The following HEG1 variants were observed in gnomAD, a reference collection of about 807,000 sequenced individuals.
HEG1 encodes the protein protein HEG homolog 1.
Under a neutral mutation model 125.6 loss-of-function variants are expected in HEG1, and 56 were observed. The ratio of observed to expected loss-of-function variants is 0.45; its 90% CI spans 0.36 to 0.56. The LOEUF (loss-of-function observed/expected upper bound fraction) is 0.56, where lower values mean the gene tolerates loss of function less well. HEG1 is among the 20% of genes least tolerant of loss of function. The pLI is 0.00. For synonymous variants in HEG1, 644 were observed against 668.5 expected, an observed-to-expected ratio of 0.96 and a Z score of 0.57; for missense variants, 1,523 against 1,670.0, an observed-to-expected ratio of 0.91 and a Z score of 1.53.
At chr3:125,002,100 C>T (rs991304305) in intron 10 of HEG1, 88 bp from the exon 11 acceptor site, 2 of 1,537,232 alleles carry the variant, frequency 1.3e-6, no homozygotes, top group African/African-American at 2.7e-5. Flanking sequence ...CGCCATTCAC[C>T]AGTGACGGGA....
rs1444946342 is a variant in HEG1 at position 125,055,575 on chromosome 3, C to G, written c.316G>C (p.Asp106His). 1 of 1,205,008 alleles carries G rather than the reference C, an allele frequency of 8.3e-7. No homozygotes were observed. The highest frequency in any genetic ancestry group is 1.0e-6 in the Non-Finnish European group (1 of 970,284). The allele number at this position is 1,205,008 out of a possible 1,614,324, so 74.6% of individuals were successfully genotyped here. A position where few individuals can be genotyped will look rare whatever the true frequency, so the allele number is the denominator to read the frequency against. The change falls in exon 1 of 17, where the codon GAT (aspartate) becomes CAT (histidine). Residue 106 changes from aspartate (D) to histidine (H), a missense_variant and splice_region_variant. Asp to His is a moderately conservative substitution (Grantham distance 81, BLOSUM62 -1). Coordinates refer to ENST00000311127, the MANE Select transcript of HEG1 (RefSeq NM_020733.2). ...SGRAPRGGSA[D>H]AAWKHWPESN... ...CGCCAGGTTCCCGGCTCTCACTCAC[C>G]CGCGCTCCCGCCTCTGGGGGCCCGG... is the stretch of plus-strand genomic sequence containing the variant.
intron 9 of HEG1, among the ~76,000 whole-genome samples, chr3:125,004,034 A>G (rs1241435157): frequency 3.3e-5 from 5 of 152,160 alleles, no homozygotes; most frequent in Non-Finnish European, 5.9e-5. Context: ...CTGTTCCCCA[A>G]CTTTGCACCT....
chr3:124,990,741 G>A, intron 14 of HEG1, 46 bp downstream of exon 14: 1 of 1,543,182 alleles, frequency 6.5e-7, no homozygotes, highest in Non-Finnish European at 8.8e-7. Flanking sequence ...CTAACAACAG[G>A]GCCAGGCCCC....
At chr3:124,974,636 T>A (rs1158604706) in intron 15 of HEG1, among the ~76,000 whole-genome samples, 1 of 152,234 alleles carries the variant, frequency 6.6e-6, no homozygotes, top group East Asian at 1.9e-4. Context: ...TCTCACTGAC[T>A]GCAAATTGTT....
intron 14 of HEG1, among the ~76,000 whole-genome samples, chr3:124,988,316 T>G (rs772340119): frequency 1.3e-5 from 2 of 152,172 alleles, no homozygotes; most frequent in African/African-American, 4.8e-5. Flanking sequence ...AGAAAGGACA[T>G]GTACTGCCAT....
intron 14 of HEG1, among the ~76,000 whole-genome samples, chr3:124,988,284 G>T (rs1229221434): frequency 2.0e-5 from 3 of 151,952 alleles, no homozygotes; most frequent in Non-Finnish European, 2.9e-5. Flanking sequence ...TGAGAAACTG[G>T]CTTGCCTAAA....
chr3:125,050,941 T>A (rs1247544189), intron 1 of HEG1, among the ~76,000 whole-genome samples: 1 of 152,208 alleles, frequency 6.6e-6, no homozygotes, highest in East Asian at 1.9e-4. Context: ...ATGAAAGCAA[T>A]TTGACAGCAT....
intron 1 of HEG1, among the ~76,000 whole-genome samples, chr3:125,054,145 G>C (rs1169794825): frequency 6.6e-6 from 1 of 152,368 alleles, no homozygotes; most frequent in East Asian, 1.9e-4. Context: ...TTCCTAGTTG[G>C]AGAAAGTCGG....
chr3:124,989,521 A>G (rs770939814), intron 14 of HEG1, among the ~76,000 whole-genome samples: 2 of 152,194 alleles, frequency 1.3e-5, no homozygotes, highest in Non-Finnish European at 2.9e-5. Context: ...TTAATTTTGC[A>G]GATAATTTCA....
chr3:124,994,594 C>T (rs1247531611), intron 12 of HEG1, among the ~76,000 whole-genome samples: 1 of 152,068 alleles, frequency 6.6e-6, no homozygotes, highest in African/African-American at 2.4e-5. Flanking sequence ...CAACCTCCGC[C>T]TCCTGGGTTC....
intron 16 of HEG1, 126 bp downstream of exon 16, chr3:124,973,605 A>T: frequency 1.5e-6 from 1 of 659,960 alleles, no homozygotes; most frequent in Non-Finnish European, 2.5e-6. Context: ...CTAGTAAATC[A>T]GAGGTTCATG....
chr3:124,997,967 G>T, intron 11 of HEG1, 144 bp from the exon 12 acceptor site: 1 of 854,952 alleles, frequency 1.2e-6, no homozygotes. Context: ...AGTCTCCACA[G>T]AGCAACACTC....
chr3:125,022,587 A>C (rs975223122), intron 3 of HEG1, among the ~76,000 whole-genome samples: 1 of 152,082 alleles, frequency 6.6e-6, no homozygotes, highest in Non-Finnish European at 1.5e-5. Flanking sequence ...AAACAGAAAG[A>C]CCTGGACACA....
chr3:124,981,563 A>C (rs1020961756), intron 14 of HEG1, among the ~76,000 whole-genome samples: 2 of 152,194 alleles, frequency 1.3e-5, no homozygotes, highest in African/African-American at 2.4e-5. Flanking sequence ...TGGTTCAGTC[A>C]TACTGGGCAG....
intron 1 of HEG1, among the ~76,000 whole-genome samples, chr3:125,054,688 C>T (rs1056787828): frequency 1.3e-5 from 2 of 152,214 alleles, no homozygotes; most frequent in African/African-American, 4.8e-5. Flanking sequence ...TGACTTTGTT[C>T]AAAGCACTTT....
chr3:125,008,123 T>C (rs1937098861), intron 8 of HEG1, among the ~76,000 whole-genome samples: 1 of 152,156 alleles, frequency 6.6e-6, no homozygotes, highest in Non-Finnish European at 1.5e-5. Context: ...TGGACCAGGC[T>C]GGTCTTGAAT....
chr3:125,025,026 G>C (rs1393047475), intron 3 of HEG1, among the ~76,000 whole-genome samples: 2 of 152,196 alleles, frequency 1.3e-5, no homozygotes, highest in African/African-American at 4.8e-5. Context: ...TTCCAGAGCT[G>C]GCCAGCCAGG....
intron 14 of HEG1, among the ~76,000 whole-genome samples, chr3:124,990,408 G>A (rs971082219): frequency 8.6e-5 from 13 of 151,304 alleles, no homozygotes; most frequent in African/African-American, 2.9e-4. Flanking sequence ...GCGTGATCTT[G>A]GCTCACTGCA....
At chr3:125,019,795 A>G (rs1295639760) in intron 4 of HEG1, among the ~76,000 whole-genome samples, 198 bp from the exon 5 acceptor site, 2 of 152,242 alleles carry the variant, frequency 1.3e-5, no homozygotes, top group East Asian at 3.8e-4. Context: ...TAATACAAAA[A>G]AATATAACTT....
Sources: allele counts gnomAD v4.1 joint callset (sites outside exome capture counted in the v4.1 genomes callset), GRCh38; gene constraint gnomAD v4.1.1; transcripts MANE v1.5; gene names NCBI Gene and HGNC (gene_info 2026-07-23, HGNC 2026-07-21).